Variants in STK32B observed in about 807,000 individuals in gnomAD.
The protein encoded by STK32B is serine/threonine kinase 32B, also known as serine/threonine-protein kinase 32B.
Under a neutral mutation model 52.6 loss-of-function variants are expected in STK32B, and 43 were observed. The observed-to-expected ratio is 0.82, with a 90% CI of 0.64 to 1.05. The LOEUF is 1.05. Among genes scored for constraint, STK32B ranks in the 50% least tolerant of loss-of-function variants. The pLI is 0.00. For missense variants in STK32B, 621 were observed against 534.6 expected, an observed-to-expected ratio of 1.16 and a Z score of -1.59; for synonymous variants, 238 against 204.3, an observed-to-expected ratio of 1.17 and a Z score of -1.41.
chr4:5,439,415 C>G (rs1443375581), intron 6 of STK32B, among the ~76,000 whole-genome samples: 1 of 151,904 alleles, frequency 6.6e-6, no homozygotes, highest in Non-Finnish European at 1.5e-5. Flanking sequence ...TGAGAAATGT[C>G]TGTTCATGTC....
intron 4 of STK32B, among the ~76,000 whole-genome samples, chr4:5,377,640 C>G (rs777858396): frequency 1.1e-4 from 16 of 152,132 alleles, no homozygotes; most frequent in African/African-American, 1.7e-4. Flanking sequence ...AGGGAGGACC[C>G]AGGTAGGAGG....
At chr4:5,105,816 G>A (rs1472472031) in intron 1 of STK32B, among the ~76,000 whole-genome samples, 1 of 151,912 alleles carries the variant, frequency 6.6e-6, no homozygotes, top group African/African-American at 2.4e-5. Flanking sequence ...ACCCGCCTCG[G>A]CCACCCAAAG....
At chr4:5,456,987 C>T (rs1716588989) in intron 8 of STK32B, 64 bp downstream of exon 8, 15 of 1,223,018 alleles carry the variant, frequency 1.2e-5, no homozygotes, top group Non-Finnish European at 1.7e-5. Flanking sequence ...ACAGCCATAT[C>T]AGCAAACGAA....
chr4:5,051,928 G>A lies in STK32B; in HGVS notation c.52+13G>A, dbSNP rs1487781303. ...GAGAATGAGGAAGGTAAGAGAGCGA[G>A]AGGTGCGAATTCCCGCTTCGCGGGG... On this transcript the variant is annotated intron_variant, in intron 1 of 11. Transcript: ENST00000282908. 2 of 1,587,484 alleles carry A rather than the reference G, an allele frequency of 1.3e-6. No homozygotes were observed. The highest frequency in any genetic ancestry group is 2.3e-5 in the East Asian group (1 of 42,836).
chr4:5,466,949 C>T, intron 10 of STK32B, 115 bp downstream of exon 10: 1 of 1,368,824 alleles, frequency 7.3e-7, no homozygotes, highest in African/African-American at 1.5e-5. Context: ...TTCCAATTTC[C>T]TTATTTTGCA....
chr4:5,066,852 C>T (rs1742444086), intron 1 of STK32B, among the ~76,000 whole-genome samples: 1 of 152,214 alleles, frequency 6.6e-6, no homozygotes. Flanking sequence ...TCCCACTTAT[C>T]TTTCTTCAAG....
upstream of STK32B, among the ~76,000 whole-genome samples, chr4:5,046,790 A>G (rs1248003788): frequency 2.6e-5 from 4 of 152,206 alleles, no homozygotes; most frequent in Admixed American, 6.5e-5. Context: ...ACAATGAGAT[A>G]CCATCTCACA....
chr4:5,327,945 T>A (rs1289924803), intron 3 of STK32B, among the ~76,000 whole-genome samples: 1 of 152,252 alleles, frequency 6.6e-6, no homozygotes, highest in Non-Finnish European at 1.5e-5. Flanking sequence ...CTGAGCTAGA[T>A]CTTCTGGGTA....
At chr4:5,085,142 C>G (rs575060727) in intron 1 of STK32B, among the ~76,000 whole-genome samples, 15 of 152,220 alleles carry the variant, frequency 9.9e-5, no homozygotes, top group Non-Finnish European at 1.6e-4. Flanking sequence ...AGCCTGGAAG[C>G]TAATTGATTA....
At position 5,500,861 on chromosome 4, in the gene STK32B, G is replaced by A. The variant is rs1460463391; in HGVS notation, c.*1778G>A. On this transcript the variant is annotated 3_prime_UTR_variant, in exon 12 of 12. Coordinates refer to ENST00000282908, the MANE Select transcript of STK32B (RefSeq NM_018401.3). Reference sequence around the variant, plus strand: ...CTGTGACCCTGGAGGCTCTTAAGATGATGATGGTTTTTTTTATTGGGCTGA... The same window carrying A: ...CTGTGACCCTGGAGGCTCTTAAGATAATGATGGTTTTTTTTATTGGGCTGA... 5 of 152,164 alleles carry A rather than the reference G, an allele frequency of 3.3e-5. No individual in the cohort carries two copies. Among genetic ancestry groups the A allele is most frequent in the African/African-American group, 9.7e-5 (4 of 41,444 alleles). The allele number at this position is 152,164 out of a possible 1,614,324, so 9.4% of individuals were successfully genotyped here.
chr4:5,021,571 G>A, the STK32B span, among the ~76,000 whole-genome samples: 31 of 152,304 alleles, frequency 2.0e-4, no homozygotes, highest in African/African-American at 7.0e-4. Context: ...ATTCAGAGCA[G>A]GGAAGAAAAA....
chr4:5,468,861 GA>G (rs1717638812), intron 11 of STK32B, among the ~76,000 whole-genome samples: 1 of 152,048 alleles, frequency 6.6e-6, no homozygotes, highest in African/African-American at 2.4e-5. Context: ...AGGATATCGA[GA>G]CCACGGTGAA....
the STK32B span, among the ~76,000 whole-genome samples, chr4:5,031,405 T>C: frequency 6.6e-6 from 1 of 152,074 alleles, no homozygotes; most frequent in East Asian, 1.9e-4. Context: ...GAGGCCAGTC[T>C]GGGCAACATA....
intron 4 of STK32B, among the ~76,000 whole-genome samples, chr4:5,364,097 C>T (rs1044120649): frequency 6.6e-6 from 1 of 152,012 alleles, no homozygotes; most frequent in Non-Finnish European, 1.5e-5. Flanking sequence ...CTGACCCCCC[C>T]CACTGTCCAC....
intron 1 of STK32B, among the ~76,000 whole-genome samples, chr4:5,069,687 G>GACATCATTT (rs1211422980): frequency 1.2e-4 from 18 of 152,290 alleles, no homozygotes; most frequent in Admixed American, 1.2e-3. Flanking sequence ...AGTACTAAAT[G>GACATCATTT]AGTTAATGTA....
At position 5,469,409 on chromosome 4, in the gene STK32B, G is replaced by A. The variant is rs897423425; in HGVS notation, c.1106+1339G>A. ...GGGGAAGTTCTCTAGGTGGCGTGCT[G>A]GGCCAAGTCCTAAGGGACATGTAGG... On this transcript the variant is annotated intron_variant, in intron 11 of 11. Coordinates refer to ENST00000282908, the MANE Select transcript of STK32B (RefSeq NM_018401.3). This position sits in a 1 kb window ranked among gnomAD's most constrained non-coding sequence, Gnocchi z 4.7. 6.6e-6 allele frequency among the ~76,000 whole-genome samples: 1 copy of A among 152,330 alleles called. No individual in the cohort carries two copies. The highest frequency in any genetic ancestry group is 2.4e-5 in the African/African-American group (1 of 41,576).
chr4:5,209,077 C>A (rs1246322068), intron 3 of STK32B, among the ~76,000 whole-genome samples: 1 of 152,224 alleles, frequency 6.6e-6, no homozygotes, highest in African/African-American at 2.4e-5. Context: ...GCTTCCATCC[C>A]AGCTGCCTCC....
chr4:5,215,535 CAG>C (rs540798868), intron 3 of STK32B, among the ~76,000 whole-genome samples: 1 of 152,170 alleles, frequency 6.6e-6, no homozygotes, highest in Non-Finnish European at 1.5e-5. Flanking sequence ...CTCCTGGAGA[CAG>C]GGGCTTCTTT....
At chr4:5,311,965 T>TA (rs903111451) in intron 3 of STK32B, among the ~76,000 whole-genome samples, 6 of 151,216 alleles carry the variant, frequency 4.0e-5, no homozygotes, top group African/African-American at 1.5e-4. Context: ...GAATCTTATT[T>TA]AAAAAAATTA....
Sources: allele counts gnomAD v4.1 joint callset (sites outside exome capture counted in the v4.1 genomes callset), GRCh38; gene constraint gnomAD v4.1.1; non-coding constraint Gnocchi (gnomAD v3.1); transcripts MANE v1.5; gene names NCBI Gene and HGNC (gene_info 2026-07-23, HGNC 2026-07-21).